The following ZFHX3 variants were observed in gnomAD, a reference collection of about 807,000 sequenced individuals.
ZFHX3 encodes the protein zinc finger homeobox 3, also known as zinc finger homeobox protein 3.
In ZFHX3, 42 loss-of-function variants were observed where a neutral mutation model predicts 279.1. That is an observed-to-expected ratio of 0.15 (90% CI 0.12 to 0.19). The LOEUF (loss-of-function observed/expected upper bound fraction) is 0.19. ZFHX3 is among the 10% of genes least tolerant of loss of function. The pLI is 1.00. For synonymous variants in ZFHX3, 2,293 were observed against 1,957.8 expected, an observed-to-expected ratio of 1.17 and a Z score of -4.52; for missense variants, 4,981 against 4,754.0, an observed-to-expected ratio of 1.05 and a Z score of -1.40.
intron 3 of ZFHX3, among the ~76,000 whole-genome samples, chr16:73,433,005 G>A (rs1297491971): frequency 1.3e-5 from 2 of 152,144 alleles, no homozygotes; most frequent in African/African-American, 4.8e-5. Context: ...AATAACTCCT[G>A]GCCAAGCCAC....
chr16:73,051,010 T>A (rs1013901126), upstream of ZFHX3, among the ~76,000 whole-genome samples: 2 of 152,186 alleles, frequency 1.3e-5, no homozygotes, highest in African/African-American at 2.4e-5. Flanking sequence ...TCTCTCTTTC[T>A]CTACACATAC....
intron 1 of ZFHX3, among the ~76,000 whole-genome samples, chr16:73,030,374 T>A (rs1964653000): frequency 6.6e-6 from 1 of 152,190 alleles, no homozygotes; most frequent in Non-Finnish European, 1.5e-5. Flanking sequence ...GCAAGGCAAG[T>A]GCCCCCAGTT....
intron 8 of ZFHX3, among the ~76,000 whole-genome samples, chr16:73,091,332 T>C (rs9926271): frequency 0.1 from 15,471 of 152,036 alleles, 1,949 homozygotes; most frequent in African/African-American, 0.3. Context: ...GAGACAACCT[T>C]ATGGAGATCA....
intron 1 of ZFHX3, among the ~76,000 whole-genome samples, chr16:73,764,000 G>A (rs1268508829): frequency 6.6e-6 from 1 of 152,132 alleles, no homozygotes; most frequent in African/African-American, 2.4e-5. Flanking sequence ...CCAACACCTT[G>A]ATCTCAACCT....
chr16:73,502,360 C>T (rs1362310485), intron 2 of ZFHX3, among the ~76,000 whole-genome samples: 2 of 152,198 alleles, frequency 1.3e-5, no homozygotes, highest in African/African-American at 4.8e-5. Flanking sequence ...CCTACATTCT[C>T]TTTTTGACGA....
In ZFHX3 at chr16:72,950,583, G is replaced by T; in HGVS notation, c.3102C>A (p.Ile1034=). 6.2e-7 allele frequency: 1 copy of T among 1,614,188 alleles called. No individual in the cohort carries two copies. The highest frequency in any genetic ancestry group is 8.5e-7 in the Non-Finnish European group (1 of 1,180,042). ...TGCACTTGAGGTGCACGGGGTTGCC[G>T]ATGGCCACACACTTGAGCCTCCACT... ...ANEWRLKCVA[I]GNPVHLKCNA... Residue 1034 remains isoleucine, a synonymous_variant, in exon 3 of 10, where the codon ATC becomes ATA. Transcript: ENST00000268489.
At chr16:73,392,568 T>C (rs552684052) in intron 3 of ZFHX3, among the ~76,000 whole-genome samples, 4 of 152,092 alleles carry the variant, frequency 2.6e-5, no homozygotes, top group African/African-American at 9.6e-5. Flanking sequence ...ATAGGGGATT[T>C]TGGGGGAGAA....
chr16:73,735,173 C>T (rs1050822781), intron 1 of ZFHX3, among the ~76,000 whole-genome samples: 1 of 152,070 alleles, frequency 6.6e-6, no homozygotes, highest in African/African-American at 2.4e-5. Flanking sequence ...TTTCATCTTG[C>T]AAAACTGAAA....
At chr16:72,967,547 A>G (rs532009424) in intron 1 of ZFHX3, among the ~76,000 whole-genome samples, 17 of 152,218 alleles carry the variant, frequency 1.1e-4, no homozygotes, top group Admixed American at 1.0e-3. Flanking sequence ...TTAGAAAATC[A>G]CCATTTGATA....
At chr16:73,694,629 A>C (rs2053178862) in intron 1 of ZFHX3, among the ~76,000 whole-genome samples, 1 of 152,186 alleles carries the variant, frequency 6.6e-6, no homozygotes, top group South Asian at 2.1e-4. Context: ...GGCGTGAGCC[A>C]CTGTGCCTGG....
intron 4 of ZFHX3, among the ~76,000 whole-genome samples, chr16:73,279,624 T>C (rs1314754077): frequency 1.3e-5 from 2 of 152,162 alleles, no homozygotes; most frequent in East Asian, 3.9e-4. Context: ...TTTTCGTTCA[T>C]GTGGTTTTGG....
chr16:73,070,109 T>C (rs1166715419), intron 8 of ZFHX3, among the ~76,000 whole-genome samples: 4 of 152,190 alleles, frequency 2.6e-5, no homozygotes, highest in Non-Finnish European at 4.4e-5. Flanking sequence ...GAACACTGCT[T>C]GAAAGTCATT....
chr16:72,796,180 T>C lies in ZFHX3; in HGVS notation c.6502A>G (p.Asn2168Asp). The C allele has an allele frequency of 1.2e-6, 2 of 1,614,038 alleles. No individual in the cohort carries two copies. Among genetic ancestry groups the C allele is most frequent in the African/African-American group, 1.3e-5 (1 of 74,960 alleles). Residue 2168 changes from asparagine to aspartate, a missense_variant, in exon 9 of 10, where the codon AAC becomes GAC. By Grantham distance (23) the Asn-to-Asp change is conservative. Coordinates refer to ENST00000268489, the MANE Select transcript of ZFHX3 (RefSeq NM_006885.4). ...RVLRQYFDINNSPSEEQIKEM... is the reference protein window; with the variant it reads ...RVLRQYFDINDSPSEEQIKEM... ...TTTATTTGCTCTTCACTGGGGGAGT[T>C]GTTAATGTCAAAATATTGCCGCAAG... is the stretch of plus-strand genomic sequence containing the variant.
chr16:73,532,605 C>A (rs546380219), intron 2 of ZFHX3, among the ~76,000 whole-genome samples: 3 of 152,274 alleles, frequency 2.0e-5, no homozygotes, highest in South Asian at 2.1e-4. Context: ...GAATCTGAAT[C>A]CTCACTCCCC....
chr16:73,202,376 A>G (rs549038133), intron 5 of ZFHX3, among the ~76,000 whole-genome samples: 6 of 152,368 alleles, frequency 3.9e-5, no homozygotes, highest in African/African-American at 1.4e-4. Flanking sequence ...AGCCACATGG[A>G]AGAGAAATAT....
intron 2 of ZFHX3, among the ~76,000 whole-genome samples, chr16:73,572,894 G>A (rs761471455): frequency 2.0e-5 from 3 of 152,202 alleles, no homozygotes; most frequent in Non-Finnish European, 4.4e-5. Context: ...AGTATAAATT[G>A]GATCAAATGC....
At chr16:73,868,325 C>A (rs1302282959) in intron 1 of ZFHX3, among the ~76,000 whole-genome samples, 1 of 152,178 alleles carries the variant, frequency 6.6e-6, no homozygotes, top group Non-Finnish European at 1.5e-5. Flanking sequence ...AGTTCAAGAC[C>A]AGCCTGGCCA....
Position 73,327,530 on chromosome 16 carries a change from C to T in ZFHX3, c.-1290-9194G>A, listed in dbSNP as rs145393701. Among the ~76,000 whole-genome samples, 863 of 152,290 alleles carry T rather than the reference C, an allele frequency of 5.7e-3. 8 individuals are homozygous for T. The highest frequency in any genetic ancestry group is 0.02 in the African/African-American group (813 of 41,548). ...CAGGTCCCTTCTCCTATGATGCCCA[C>T]TTTTAATAACATACTTCCTTACAAA... On this transcript the variant is annotated intron_variant, in intron 3 of 17. Transcript: ENST00000641206.
chr16:72,912,146 C>A (rs1321539083), intron 3 of ZFHX3, among the ~76,000 whole-genome samples: 2 of 152,232 alleles, frequency 1.3e-5, no homozygotes, highest in Non-Finnish European at 2.9e-5. Flanking sequence ...AGCCCAGACG[C>A]TGGCTGAAGG....
Sources: gnomAD v4.1 joint callset for allele counts (sites outside exome capture counted in the v4.1 genomes callset) on GRCh38, gnomAD v4.1.1 for gene constraint, MANE v1.5 for transcripts, NCBI Gene and HGNC (gene_info 2026-07-23, HGNC 2026-07-21) for gene names.